NKX2-5: variants seen among roughly 807,000 people sequenced by gnomAD.
NKX2-5 encodes homeobox protein Nkx-2.5.
A neutral mutation model predicts 24.5 loss-of-function variants in NKX2-5; 3 were observed. The ratio of observed to expected loss-of-function variants is 0.12; its 90% CI spans 0.06 to 0.32. The LOEUF (loss-of-function observed/expected upper bound fraction) is 0.32. Among genes scored for constraint, NKX2-5 ranks in the 10% least tolerant of loss-of-function variants. NKX2-5 has a pLI of 1.00. For synonymous variants in NKX2-5, 215 were observed against 217.6 expected (o/e 0.99, Z 0.11); for missense variants, 429 against 452.4 (o/e 0.95, Z 0.47).
At position 173,232,284 on chromosome 5, in the gene NKX2-5, C is replaced by G. The variant is rs1761330476; in HGVS notation, c.*285G>C. ...AGGCCCTGCGTGCCCGAGCTCAGTCCCAGTTCCAACCGGGGGTGCCCATGG... is the reference window on the plus strand; with the variant it reads ...AGGCCCTGCGTGCCCGAGCTCAGTCGCAGTTCCAACCGGGGGTGCCCATGG... On this transcript the variant is annotated 3_prime_UTR_variant, in exon 2 of 2. Transcript: ENST00000329198. The surrounding 1 kb of genome is among the most constrained non-coding windows in gnomAD (Gnocchi z 5.9). 5.7e-6 allele frequency: 3 copies of G among 527,798 alleles called. No homozygotes were observed. The highest frequency in any genetic ancestry group is 9.9e-6 in the Non-Finnish European group (3 of 304,466). 32.7% of individuals were successfully genotyped at this position (527,798 alleles called of 1,614,324 possible).
At chr5:173,234,299 C>T in intron 1 of NKX2-5, 1 of 985,444 alleles carries the variant, frequency 1.0e-6, no homozygotes, top group Non-Finnish European at 1.2e-6. Context: ...CAGGACCCTC[C>T]TCCGATTGTA....
chr5:173,233,394 T>C (rs1013341984), intron 1 of NKX2-5, 185 bp from the exon 2 acceptor site: 1 of 1,535,658 alleles, frequency 6.5e-7, no homozygotes, highest in Non-Finnish European at 8.7e-7. Context: ...TCAGCATTTG[T>C]AGAAAGTCAG....
chr5:173,234,205 C>G (rs1761408573), intron 1 of NKX2-5: 4 of 1,260,656 alleles, frequency 3.2e-6, no homozygotes, highest in African/African-American at 1.5e-5. Flanking sequence ...AATCAAGGCC[C>G]TCGATCCCAG....
In NKX2-5 at chr5:173,234,952, G is replaced by A; in HGVS notation, c.132C>T (p.Ser44=). 1.2e-6 allele frequency: 2 copies of A among 1,611,866 alleles called. No homozygotes were observed. Among genetic ancestry groups the A allele is most frequent in the Non-Finnish European group, 1.7e-6 (2 of 1,179,440 alleles). Residue 44 remains serine (S), a synonymous_variant, in exon 1 of 2, where the codon TCC becomes TCT. Transcript: ENST00000329198. ...SARLEATLAP[S]SCMLAAFKPE... ...GCTTGAAGGCGGCCAGCATGCAGGA[G>A]GAGGGCGCCAGGGTCGCCTCCAGGC...
Position 173,235,169 on chromosome 5 carries a change from G to A in NKX2-5, c.-86C>T. ...CCTGGCAGCTTCCCTGCATGGTGCC[G>A]CCGCCCGCCCGCGCACCCGTCGGCC... is the stretch of plus-strand genomic sequence containing the variant. On this transcript the variant is annotated 5_prime_UTR_variant, in exon 1 of 2. Coordinates refer to ENST00000329198, the MANE Select transcript of NKX2-5 (RefSeq NM_004387.4). 3.0e-6 allele frequency: 4 copies of A among 1,355,312 alleles called. No homozygotes were observed. Among genetic ancestry groups the A allele is most frequent in the East Asian group, 2.5e-5 (1 of 40,612 alleles). 84.0% of individuals were successfully genotyped at this position (1,355,312 alleles called of 1,614,324 possible). A position where few individuals can be genotyped will look rare whatever the true frequency, so the allele number is the denominator to read the frequency against.
chr5:173,232,962 C>T lies in NKX2-5; in HGVS notation c.582G>A (p.Lys194=), dbSNP rs1435351800. The change falls in exon 2 of 2, where the codon AAG becomes AAA. Residue 194 remains lysine, a synonymous_variant. Coordinates refer to ENST00000329198, the MANE Select transcript of NKX2-5 (RefSeq NM_004387.4). The surrounding 1 kb of genome is among the most constrained non-coding windows in gnomAD (Gnocchi z 5.9). ...IWFQNRRYKC[K]RQRQDQTLEL... ...CCAGAGTCTGGTCCTGCCGCTGCCG[C>T]TTGCACTTGTAGCGCCGGTTCTGGA... The T allele has an allele frequency of 2.5e-6, 4 of 1,610,200 alleles. No individual in the cohort carries two copies. The highest frequency in any genetic ancestry group is 1.7e-5 in the Admixed American group (1 of 59,404).
At position 173,233,774 on chromosome 5, in the gene NKX2-5, C is replaced by T. The variant is rs1036306764; in HGVS notation, c.335-565G>A. On this transcript the variant is annotated intron_variant, in intron 1 of 1. Transcript: ENST00000329198. Reference sequence around the variant, plus strand: ...TGCGGGTGGGCAGGCGGCCTCGGAACCTGCCTTGCTGGCTTCCTCGAATTG... The same window carrying T: ...TGCGGGTGGGCAGGCGGCCTCGGAATCTGCCTTGCTGGCTTCCTCGAATTG... 6.3e-6 allele frequency: 6 copies of T among 946,304 alleles called. No individual in the cohort carries two copies. The South Asian group carries it at 1.5e-4, about 23-fold the overall frequency. 58.6% of individuals were successfully genotyped at this position (946,304 alleles called of 1,614,324 possible).
chr5:173,233,502 CT>C (rs1761377941), intron 1 of NKX2-5: 2 of 717,476 alleles, frequency 2.8e-6, no homozygotes, highest in South Asian at 2.3e-5. Context: ...AAATTTCAGG[CT>C]GCAAAAAAAA....
chr5:173,233,523 A>AAAAAAAG, intron 1 of NKX2-5: 1 of 576,690 alleles, frequency 1.7e-6, no homozygotes, highest in South Asian at 2.5e-5. Context: ...AAAAAAATAA[A>AAAAAAAG]TAAAAAAATA....
chr5:173,233,676 G>A (rs1484259314), intron 1 of NKX2-5, among the ~76,000 whole-genome samples: 1 of 152,182 alleles, frequency 6.6e-6, no homozygotes, highest in Non-Finnish European at 1.5e-5. Context: ...GAAACAGAAG[G>A]CCAGGGAGTG....
At position 173,232,374 on chromosome 5, in the gene NKX2-5, C is replaced by T. The variant is rs1249743842; in HGVS notation, c.*195G>A. 3.8e-6 allele frequency: 4 copies of T among 1,041,518 alleles called. No homozygotes were observed. Among genetic ancestry groups the T allele is most frequent in the Non-Finnish European group, 5.5e-6 (4 of 728,384 alleles). 64.5% of individuals were successfully genotyped at this position (1,041,518 alleles called of 1,614,324 possible). A position where few individuals can be genotyped will look rare whatever the true frequency, so the allele number is the denominator to read the frequency against. On this transcript the variant is annotated 3_prime_UTR_variant, in exon 2 of 2. Transcript: ENST00000329198. This position sits in a 1 kb window ranked among gnomAD's most constrained non-coding sequence, Gnocchi z 5.9. ...AGGCTGCAGGATCACTCATTGCACG[C>T]TGCATAATCGCCGCCACAAACTCTC...
In NKX2-5 at chr5:173,235,093, G is replaced by A. The variant is rs1010971532; in HGVS notation, c.-10C>T. The A allele has an allele frequency of 1.9e-5, 31 of 1,597,542 alleles. No individual in the cohort carries two copies. Among genetic ancestry groups the A allele is most frequent in the Middle Eastern group, 1.9e-4 (1 of 5,246 alleles). ...CAGGGCTGGGGAACATGGTGGCAGC[G>A]CCAGTCTCACAGCGCCAGGTGGGCG... is the stretch of plus-strand genomic sequence containing the variant. On this transcript the variant is annotated 5_prime_UTR_variant, in exon 1 of 2. Transcript: ENST00000329198.
chr5:173,234,810 A>C lies in NKX2-5; in HGVS notation c.274T>G (p.Phe92Val). Residue 92 changes from phenylalanine to valine, a missense_variant, in exon 1 of 2, where the codon TTC becomes GTC. Transcript: ENST00000329198. ...GGGTCGCTGTAGGCACGTGGATAGA[A>C]GGCGGGGGCGGCGGGAAAGGCAGAC... Reference protein sequence around the residue: ...CASAFPAAPAFYPRAYSDPDP... With the variant: ...CASAFPAAPAVYPRAYSDPDP... The C allele has an allele frequency of 1.9e-6, 3 of 1,583,932 alleles. No homozygotes were observed. The highest frequency in any genetic ancestry group is 1.7e-4 in the Middle Eastern group (1 of 5,912).
chr5:173,233,108 A>T lies in NKX2-5; in HGVS notation c.436T>A (p.Ser146Thr), dbSNP rs1425850321. ...RRRRKPRVLF[S>T]QAQVYELERR... ...TCCAGCTCATAGACCTGCGCCTGCG[A>T]GAAGAGCACGCGCGGCTTCCTCCGC... Residue 146 changes from serine to threonine, a missense_variant, in exon 2 of 2, where the codon TCG becomes ACG. By Grantham distance (58) the Ser-to-Thr change is moderately conservative (BLOSUM62 1). This residue lies in a region of NKX2-5 where 240 missense variants were observed against 240.4 expected (regional missense o/e 1.00). Coordinates refer to ENST00000329198, the MANE Select transcript of NKX2-5 (RefSeq NM_004387.4). 1 of 1,599,724 alleles carries T rather than the reference A, an allele frequency of 6.3e-7. No individual in the cohort carries two copies. The highest frequency in any genetic ancestry group is 2.3e-5 in the East Asian group (1 of 44,256).
chr5:173,233,512 A>AAAAAAAT, intron 1 of NKX2-5: 6 of 880,216 alleles, frequency 6.8e-6, no homozygotes, highest in Admixed American at 4.7e-5. Flanking sequence ...CTGCAAAAAA[A>AAAAAAAT]AAAAAAATAA....
In NKX2-5 at chr5:173,232,944, C is replaced by T. The variant is rs1761354307; in HGVS notation, c.600G>A (p.Gln200=). The change falls in exon 2 of 2, where the codon CAG becomes CAA. Residue 200 remains glutamine (Q), a synonymous_variant. Coordinates refer to ENST00000329198, the MANE Select transcript of NKX2-5 (RefSeq NM_004387.4). This position sits in a 1 kb window ranked among gnomAD's most constrained non-coding sequence, Gnocchi z 5.9. ...GGGGCAGCCCCACCAGCTCCAGAGT[C>T]TGGTCCTGCCGCTGCCGCTTGCACT... ...RYKCKRQRQD[Q]TLELVGLPPP... is the part of the protein sequence containing the mutation. 6.2e-7 allele frequency: 1 copy of T among 1,605,568 alleles called. No individual in the cohort carries two copies. Among genetic ancestry groups the T allele is most frequent in the African/African-American group, 1.3e-5 (1 of 74,842 alleles).
At position 173,233,351 on chromosome 5, in the gene NKX2-5, C is replaced by A. The variant is rs1761371577; in HGVS notation, c.335-142G>T. 5 of 1,536,812 alleles carry A rather than the reference C, an allele frequency of 3.3e-6. No individual in the cohort carries two copies. The East Asian group carries it at 9.8e-5, about 30-fold the overall frequency. ...GCCCAGCTGGCTGCGGCTCACTCTG[C>A]CAAGTGCACTGGGAGCCACCGACAC... is the stretch of plus-strand genomic sequence containing the variant. On this transcript the variant is annotated intron_variant, in intron 1 of 1. Coordinates refer to ENST00000329198, the MANE Select transcript of NKX2-5 (RefSeq NM_004387.4).
chr5:173,233,190 C>A lies in NKX2-5; in HGVS notation c.354G>T (p.Lys118Asn). 6.2e-7 allele frequency: 1 copy of A among 1,601,504 alleles called. No individual in the cohort carries two copies. Among genetic ancestry groups the A allele is most frequent in the Non-Finnish European group, 8.5e-7 (1 of 1,179,066 alleles). Residue 118 changes from lysine (K) to asparagine (N), a missense_variant, in exon 2 of 2, where the codon AAG (lysine) becomes AAT (asparagine). Lys to Asn is a moderately conservative substitution (Grantham distance 94). This residue lies in a region of NKX2-5 where 240 missense variants were observed against 240.4 expected (regional missense o/e 1.00). Transcript: ENST00000329198. ...CCTCTGTCTTCTCCAGCTCCACCGC[C>A]TTCTGCAGCGCGCACAGCTCTGAGG... is the stretch of plus-strand genomic sequence containing the variant. ...AEKKELCALQ[K>N]AVELEKTEAD... is the part of the protein sequence containing the mutation.
chr5:173,233,284 G>C (rs1389780378), intron 1 of NKX2-5, 75 bp from the exon 2 acceptor site: 1 of 1,554,852 alleles, frequency 6.4e-7, no homozygotes, highest in African/African-American at 1.4e-5. Flanking sequence ...GCACAGTAAT[G>C]GTAAGGGATC....
Sources: gnomAD v4.1 joint callset for allele counts (sites outside exome capture counted in the v4.1 genomes callset) on GRCh38, gnomAD v4.1.1 for gene constraint, gnomAD v4.1.1 regional missense constraint, Gnocchi (gnomAD v3.1) non-coding constraint, MANE v1.5 for transcripts, NCBI Gene and HGNC (gene_info 2026-07-23, HGNC 2026-07-21) for gene names.